TAS2R1: variants seen among roughly 807,000 people sequenced by gnomAD.
TAS2R1 encodes taste 2 receptor member 1.
For synonymous variants in TAS2R1, 141 were observed against 134.2 expected (o/e 1.05, Z -0.35); for missense variants, 370 against 353.4 (o/e 1.05, Z -0.38).
chr5:9,767,258 C>T, the TAS2R1 span, among the ~76,000 whole-genome samples: 9 of 151,988 alleles, frequency 5.9e-5, no homozygotes, highest in African/African-American at 2.2e-4. Flanking sequence ...ATGCATCCTT[C>T]ATTTCTCTCT....
At chr5:9,651,795 G>A (rs965752524) in intron 2 of TAS2R1, among the ~76,000 whole-genome samples, 10 of 151,984 alleles carry the variant, frequency 6.6e-5, no homozygotes, top group South Asian at 2.1e-4. Flanking sequence ...ACTCAGTAGC[G>A]TTCTAAGCCC....
chr5:9,674,933 G>A (rs1163315075), intron 1 of TAS2R1, among the ~76,000 whole-genome samples: 1 of 151,868 alleles, frequency 6.6e-6, no homozygotes, highest in East Asian at 1.9e-4. Flanking sequence ...TGACATTCTT[G>A]TGTATGTAAA....
the TAS2R1 span, among the ~76,000 whole-genome samples, chr5:9,757,567 A>G: frequency 6.6e-6 from 1 of 152,218 alleles, no homozygotes; most frequent in Non-Finnish European, 1.5e-5. Context: ...TTAACATGAT[A>G]TAGACTCTTC....
At chr5:9,813,422 A>G in the TAS2R1 span, among the ~76,000 whole-genome samples, 25 of 152,290 alleles carry the variant, frequency 1.6e-4, 1 homozygote, top group African/African-American at 5.8e-4. Context: ...AAGGATATGT[A>G]TGAACCTCCT....
At chr5:9,647,054 G>A (rs1209418236) in intron 2 of TAS2R1, among the ~76,000 whole-genome samples, 1 of 152,098 alleles carries the variant, frequency 6.6e-6, no homozygotes, top group African/African-American at 2.4e-5. Flanking sequence ...GATAGGGACT[G>A]TGACAATGAT....
the TAS2R1 span, among the ~76,000 whole-genome samples, chr5:9,874,208 G>T: frequency 3.9e-5 from 6 of 152,116 alleles, no homozygotes; most frequent in Admixed American, 2.0e-4. Context: ...TTCCTGGCTT[G>T]GTGGCAGAAA....
chr5:9,840,206 T>C, the TAS2R1 span, among the ~76,000 whole-genome samples: 2 of 152,180 alleles, frequency 1.3e-5, no homozygotes, highest in African/African-American at 4.8e-5. Context: ...ACAAGTGAGA[T>C]ATTCCTCACT....
intron 1 of TAS2R1, among the ~76,000 whole-genome samples, chr5:9,709,481 G>T (rs1741688586): frequency 6.6e-6 from 1 of 152,158 alleles, no homozygotes; most frequent in South Asian, 2.1e-4. Context: ...CTGCCTCCTT[G>T]CATTTATACC....
chr5:9,833,813 G>T, the TAS2R1 span, among the ~76,000 whole-genome samples: 1 of 147,638 alleles, frequency 6.8e-6, no homozygotes, highest in Non-Finnish European at 1.5e-5. Context: ...TTAGCCCAAA[G>T]AATTCACTTA....
chr5:9,750,784 C>T, the TAS2R1 span, among the ~76,000 whole-genome samples: 1 of 152,010 alleles, frequency 6.6e-6, no homozygotes, highest in Non-Finnish European at 1.5e-5. Flanking sequence ...TAACTGTTTC[C>T]TCTCAGGTTA....
intron 1 of TAS2R1, among the ~76,000 whole-genome samples, chr5:9,674,921 G>T (rs1338901757): frequency 6.6e-6 from 1 of 151,876 alleles, no homozygotes; most frequent in South Asian, 2.1e-4. Flanking sequence ...TAAAACTGTA[G>T]CTGACATTCT....
At chr5:9,693,210 TA>T (rs1306477122) in intron 1 of TAS2R1, among the ~76,000 whole-genome samples, 2 of 152,120 alleles carry the variant, frequency 1.3e-5, no homozygotes, top group African/African-American at 2.4e-5. Flanking sequence ...ATGCTTATTT[TA>T]AAAATTTGGT....
chr5:9,772,701 T>C, the TAS2R1 span, among the ~76,000 whole-genome samples: 1 of 152,144 alleles, frequency 6.6e-6, no homozygotes, highest in Non-Finnish European at 1.5e-5. Context: ...CATATGTATT[T>C]AAAATTGTTA....
the TAS2R1 span, among the ~76,000 whole-genome samples, chr5:9,830,782 C>T: frequency 1.3e-5 from 2 of 152,192 alleles, no homozygotes; most frequent in African/African-American, 4.8e-5. Context: ...GGTCTTCTTC[C>T]TTCTTTCTTT....
chr5:9,815,251 A>G, the TAS2R1 span, among the ~76,000 whole-genome samples: 1 of 152,224 alleles, frequency 6.6e-6, no homozygotes, highest in South Asian at 2.1e-4. Flanking sequence ...TACAAGCCAG[A>G]GGCTTCACAG....
At chr5:9,721,311 T>A in the TAS2R1 span, among the ~76,000 whole-genome samples, 17 of 152,328 alleles carry the variant, frequency 1.1e-4, no homozygotes, top group East Asian at 3.3e-3. Flanking sequence ...ACCAGAAACA[T>A]GGAGCATGAC....
the TAS2R1 span, among the ~76,000 whole-genome samples, chr5:9,813,265 C>T: frequency 6.6e-6 from 1 of 152,270 alleles, no homozygotes; most frequent in Admixed American, 6.5e-5. Flanking sequence ...CAGAAAGAAC[C>T]AACTGCCAAT....
the TAS2R1 span, among the ~76,000 whole-genome samples, chr5:9,785,404 A>G: frequency 6.6e-6 from 1 of 152,214 alleles, no homozygotes; most frequent in Non-Finnish European, 1.5e-5. Flanking sequence ...CAAGGCTCTA[A>G]AGCATTATCT....
the TAS2R1 span, among the ~76,000 whole-genome samples, chr5:9,789,035 C>T: frequency 6.6e-6 from 1 of 152,144 alleles, no homozygotes; most frequent in African/African-American, 2.4e-5. Flanking sequence ...TAATACCTGT[C>T]TCCTCCTACT....
Sources: allele counts gnomAD v4.1 joint callset (sites outside exome capture counted in the v4.1 genomes callset), GRCh38; gene constraint gnomAD v4.1.1; transcripts MANE v1.5; gene names NCBI Gene and HGNC (gene_info 2026-07-23, HGNC 2026-07-21).